Variants in RNF6 observed in about 807,000 individuals in gnomAD.
RNF6 encodes ring finger protein 6, also known as E3 ubiquitin-protein ligase RNF6.
Under a neutral mutation model 50.1 loss-of-function variants are expected in RNF6, and 21 were observed. The ratio of observed to expected loss-of-function variants is 0.42; its 90% CI spans 0.30 to 0.60. RNF6 has a LOEUF of 0.60. RNF6 is among the 20% of genes least tolerant of loss of function. The probability of loss-of-function intolerance (pLI) is 0.20; values close to 1 mark genes in which losing one functional copy is unlikely to be tolerated. For missense variants in RNF6, 698 were observed against 838.2 expected (o/e 0.83, Z 2.07); for synonymous variants, 255 against 291.8 (o/e 0.87, Z 1.29).
chr13:26,189,512 ACTC>A (rs1224236688), intron 5 of RNF6, among the ~76,000 whole-genome samples: 19 of 152,150 alleles, frequency 1.2e-4, no homozygotes, highest in Admixed American at 1.2e-3. Flanking sequence ...GAAATGGAAA[ACTC>A]CTAAAACTTT....
intron 5 of RNF6, among the ~76,000 whole-genome samples, chr13:26,147,361 G>A (rs183602629): frequency 2.6e-5 from 4 of 152,320 alleles, no homozygotes; most frequent in Admixed American, 2.6e-4. Context: ...GTCTTGCAAG[G>A]CAACTCTCTC....
At chr13:26,197,500 T>TGAGTTTTA (rs1566430206) in intron 5 of RNF6, among the ~76,000 whole-genome samples, 6 of 152,098 alleles carry the variant, frequency 3.9e-5, no homozygotes, top group African/African-American at 1.5e-4. Flanking sequence ...ACAGATGGCC[T>TGAGTTTTA]AATTATATTT....
intron 5 of RNF6, among the ~76,000 whole-genome samples, chr13:26,160,668 A>AG (rs1486273056): frequency 6.7e-6 from 1 of 150,238 alleles, no homozygotes; most frequent in Non-Finnish European, 1.5e-5. Context: ...ATGATGTATT[A>AG]GATGGCTAGG....
chr13:26,219,396 C>A, intron 3 of RNF6, 61 bp downstream of exon 3: 1 of 1,321,134 alleles, frequency 7.6e-7, no homozygotes, highest in Non-Finnish European at 1.0e-6. Context: ...TTCTCCTTAT[C>A]TTGAAATCCT....
At chr13:26,204,847 TTGAAAA>T (rs1869045370) in intron 5 of RNF6, among the ~76,000 whole-genome samples, 1 of 152,238 alleles carries the variant, frequency 6.6e-6, no homozygotes, top group Admixed American at 6.5e-5. Context: ...GTTATTCTAA[TTGAAAA>T]TGAGAAATGC....
In RNF6 at chr13:26,148,632, T is replaced by TTATATATATATATATA. The variant is rs57373126; in HGVS notation, n.769-16197_769-16182dup. The stretch of plus-strand genomic sequence containing the variant: ...AATAGAAACAATAGTATAAATCTCT[T>TTATATATATATATATA]TATATATATATATATATATATATAT... On this transcript the variant is annotated intron_variant and non_coding_transcript_variant, in intron 5 of 5. Transcript: ENST00000468480. Among the ~76,000 whole-genome samples, 101 of 47,046 alleles carry TTATATATATATATATA rather than the reference T, an allele frequency of 2.1e-3. 1 individual carries two copies. Among genetic ancestry groups the TTATATATATATATATA allele is most frequent in the East Asian group, 2.7e-3 (5 of 1,824 alleles). 30.9% of individuals were successfully genotyped at this position (47,046 alleles called of 152,430 possible). A position where few individuals can be genotyped will look rare whatever the true frequency, so the allele number is the denominator to read the frequency against.
At chr13:26,161,869 T>A (rs1258720897) in intron 5 of RNF6, among the ~76,000 whole-genome samples, 1 of 152,200 alleles carries the variant, frequency 6.6e-6, no homozygotes, top group African/African-American at 2.4e-5. Context: ...TCTGTTCCAC[T>A]CAAAACCACC....
chr13:26,199,111 C>T (rs1868794369), intron 5 of RNF6, among the ~76,000 whole-genome samples: 1 of 151,890 alleles, frequency 6.6e-6, no homozygotes, highest in African/African-American at 2.4e-5. Flanking sequence ...TTTACATAGA[C>T]ATTAACAAGC....
chr13:26,141,864 G>A (rs536657232), intron 5 of RNF6, among the ~76,000 whole-genome samples: 5 of 152,032 alleles, frequency 3.3e-5, no homozygotes, highest in African/African-American at 7.2e-5. Flanking sequence ...GGTCAAAAAC[G>A]AAAATTGACA....
chr13:26,180,270 A>G (rs1873172517), intron 5 of RNF6, among the ~76,000 whole-genome samples: 1 of 152,194 alleles, frequency 6.6e-6, no homozygotes, highest in South Asian at 2.1e-4. Flanking sequence ...GTATGAGGAC[A>G]TGGTCAGCAG....
At chr13:26,146,025 T>G (rs1429298057) in intron 5 of RNF6, among the ~76,000 whole-genome samples, 1 of 152,164 alleles carries the variant, frequency 6.6e-6, no homozygotes, top group East Asian at 1.9e-4. Context: ...AACCCCTACT[T>G]TAACTGGTAG....
chr13:26,172,331 G>A (rs1872731741), intron 5 of RNF6, among the ~76,000 whole-genome samples: 2 of 152,226 alleles, frequency 1.3e-5, no homozygotes, highest in Admixed American at 1.3e-4. Flanking sequence ...TCCCAGATAC[G>A]CTAAAGGTCT....
chr13:26,193,721 A>C (rs1868550982), intron 5 of RNF6, among the ~76,000 whole-genome samples: 2 of 152,250 alleles, frequency 1.3e-5, no homozygotes, highest in South Asian at 4.1e-4. Context: ...GATCCAGTAC[A>C]AGAATAAAAA....
chr13:26,193,844 G>T (rs1451547786), intron 5 of RNF6, among the ~76,000 whole-genome samples: 2 of 152,326 alleles, frequency 1.3e-5, no homozygotes, highest in South Asian at 4.1e-4. Flanking sequence ...CAGACAATAT[G>T]TGAGAAAAGA....
chr13:26,151,555 G>A (rs996462031), intron 5 of RNF6, among the ~76,000 whole-genome samples: 1 of 151,728 alleles, frequency 6.6e-6, no homozygotes, highest in Non-Finnish European at 1.5e-5. Context: ...GAGCCACCGC[G>A]CCCGGCCCAG....
At chr13:26,155,545 A>G (rs1207883208) in intron 5 of RNF6, among the ~76,000 whole-genome samples, 1 of 152,172 alleles carries the variant, frequency 6.6e-6, no homozygotes, top group Non-Finnish European at 1.5e-5. Context: ...TAGAGAGCAA[A>G]CAGGCTTTAC....
chr13:26,156,596 T>TA (rs1871935989), intron 5 of RNF6, among the ~76,000 whole-genome samples: 1 of 152,158 alleles, frequency 6.6e-6, no homozygotes, highest in Non-Finnish European at 1.5e-5. Context: ...ATGGAAAACT[T>TA]ACAACAATCA....
At chr13:26,157,887 G>A (rs1872008351) in intron 5 of RNF6, among the ~76,000 whole-genome samples, 1 of 109,560 alleles carries the variant, frequency 9.1e-6, no homozygotes, top group African/African-American at 2.9e-5. Context: ...AAAAGAGATG[G>A]ATGGATGGAT....
rs564421386 is a variant in RNF6, at chr13:26,203,731, G to A, written n.768+11743C>T. On this transcript the variant is annotated intron_variant and non_coding_transcript_variant, in intron 5 of 5. Transcript: ENST00000468480. ...AATCCCAGCACTTTGGGAGGCCCAG[G>A]CGGGCAGATCACGAGCTCAGGAGAT... Among the ~76,000 whole-genome samples, 87 of 152,340 alleles carry A rather than the reference G, an allele frequency of 5.7e-4. 2 individuals are homozygous for A. The South Asian group carries it at 0.017, about 30-fold the overall frequency.
Sources: gnomAD v4.1 joint callset for allele counts (sites outside exome capture counted in the v4.1 genomes callset) on GRCh38, gnomAD v4.1.1 for gene constraint, MANE v1.5 for transcripts, NCBI Gene and HGNC (gene_info 2026-07-23, HGNC 2026-07-21) for gene names.